XPNPEP2: variants seen among roughly 807,000 people sequenced by gnomAD.
The protein encoded by XPNPEP2 is xaa-Pro aminopeptidase 2.
Under a neutral mutation model 59.8 loss-of-function variants are expected in XPNPEP2, and 64 were observed. That is an observed-to-expected ratio of 1.07 (90% CI 0.87 to 1.32). XPNPEP2 has a LOEUF of 1.32. Ranked by LOEUF, XPNPEP2 falls within the 40% of genes most tolerant of loss-of-function variation. The probability of loss-of-function intolerance (pLI) is 0.00; values close to 1 mark genes in which losing one functional copy is unlikely to be tolerated. For synonymous variants in XPNPEP2, 235 were observed against 210.0 expected, an observed-to-expected ratio of 1.12 and a Z score of -1.03; for missense variants, 575 against 546.8, an observed-to-expected ratio of 1.05 and a Z score of -0.51.
At chrX:129,753,796 A>G (rs536483010) in intron 11 of XPNPEP2, among the ~76,000 whole-genome samples, 1 of 111,104 alleles carries the variant, frequency 9.0e-6, no homozygotes, top group Admixed American at 9.5e-5. Flanking sequence ...GCTCCACCCA[A>G]TTCCTAACTG....
chrX:129,749,413 A>G (rs1197149333), intron 7 of XPNPEP2, among the ~76,000 whole-genome samples: 1 of 113,020 alleles, frequency 8.8e-6, no homozygotes, highest in Non-Finnish European at 1.9e-5. Flanking sequence ...TATGTGTAAA[A>G]TACACATAAC....
In XPNPEP2 at chrX:129,752,492, C is replaced by A. The variant is rs532263590; in HGVS notation, c.1017+147C>A. On this transcript the variant is annotated intron_variant, in intron 10 of 20. Transcript: ENST00000371106. ...GCAGTGAGTTCCCTTCTTGGCCTAA[C>A]TGGGAAGAGCCAGAAGAGGAAACAG... 2.5e-4 allele frequency: 151 copies of A among 598,148 alleles called. No homozygotes were observed. The African/African-American group carries it at 3.0e-3, about 12-fold the overall frequency. 49.3% of individuals were successfully genotyped at this position (598,148 alleles called of 1,213,427 possible).
chrX:129,745,105 G>C (rs1369559995), intron 3 of XPNPEP2, 98 bp from the exon 4 acceptor site: 5 of 1,033,648 alleles, frequency 4.8e-6, no homozygotes, highest in Non-Finnish European at 6.7e-6. Context: ...CAAGGGGTTG[G>C]AGCCGACAGA....
At chrX:129,767,484 G>A (rs1159100323) in intron 19 of XPNPEP2, 119 bp from the exon 20 acceptor site, 7 of 709,367 alleles carry the variant, frequency 9.9e-6, no homozygotes, top group Non-Finnish European at 1.5e-5. Flanking sequence ...AGGGTGTCCA[G>A]GGTTGATGAG....
intron 16 of XPNPEP2, 113 bp downstream of exon 16, chrX:129,760,694 T>A: frequency 1.3e-6 from 1 of 786,119 alleles, no homozygotes; most frequent in Non-Finnish European, 1.9e-6. Context: ...CCATCCCTTA[T>A]GTAGATGAGA....
chrX:129,751,841 T>C lies in XPNPEP2; in HGVS notation c.821+15T>C. 2 of 1,195,997 alleles carry C rather than the reference T, an allele frequency of 1.7e-6. No individual in the cohort carries two copies. Among genetic ancestry groups the C allele is most frequent in the Non-Finnish European group, 2.3e-6 (2 of 881,344 alleles). ...TCTTCTATTAGGTATGGCTTTTCCT[T>C]AGCTTGCTGTTGTGGACTTTCTCCA... On this transcript the variant is annotated intron_variant, in intron 9 of 20. Coordinates refer to ENST00000371106, the MANE Select transcript of XPNPEP2 (RefSeq NM_003399.6).
At position 129,748,431 on chromosome X, in the gene XPNPEP2, C is replaced by T. The variant is rs142196583; in HGVS notation, c.637+678C>T. On this transcript the variant is annotated intron_variant, in intron 7 of 20. Transcript: ENST00000371106. ...CAGGACCAGCCTACTGATTATGAAT[C>T]AGTGTCTTGGCCACCAACCAGTCCT... Among the ~76,000 whole-genome samples, 447 of 112,399 alleles carry T rather than the reference C, an allele frequency of 4.0e-3. 4 individuals carry two copies. Among genetic ancestry groups the T allele is most frequent in the African/African-American group, 0.012 (379 of 30,953 alleles).
chrX:129,748,217 A>G (rs1361645269), intron 7 of XPNPEP2, among the ~76,000 whole-genome samples: 1 of 112,149 alleles, frequency 8.9e-6, no homozygotes, highest in Non-Finnish European at 1.9e-5. Flanking sequence ...CCAGGAGTGG[A>G]CAGAGGAAGT....
chrX:129,739,326 G>T (rs2124005875), intron 1 of XPNPEP2, 64 bp downstream of exon 1: 2 of 1,122,085 alleles, frequency 1.8e-6, no homozygotes, highest in East Asian at 6.0e-5. Context: ...CTCAGAAAGG[G>T]TTGGAGTGAG....
chrX:129,760,431 G>A (rs1039371948), intron 15 of XPNPEP2, 81 bp from the exon 16 acceptor site: 7 of 1,042,157 alleles, frequency 6.7e-6, no homozygotes, highest in South Asian at 6.2e-5. Context: ...GCCCTGCACC[G>A]TGTATCCATA....
rs775077952 is a variant in XPNPEP2, at chrX:129,761,193, C to A, written c.1520C>A (p.Ala507Asp). ...CCAGGGCGAATGGTGGAGGCCTTTG[C>A]CCGCAGAGCCTTGTGGGATGCTGGT... Reference protein sequence around the residue: ...ATSGRMVEAFARRALWDAGLN... With the variant: ...ATSGRMVEAFDRRALWDAGLN... Residue 507 changes from alanine (A) to aspartate (D), a missense_variant, in exon 17 of 21, where the codon GCC becomes GAC. Coordinates refer to ENST00000371106, the MANE Select transcript of XPNPEP2 (RefSeq NM_003399.6). 10 of 1,210,330 alleles carry A rather than the reference C, an allele frequency of 8.3e-6. No individual in the cohort carries two copies. Among genetic ancestry groups the A allele is most frequent in the Admixed American group, 6.5e-5 (3 of 45,857 alleles).
intron 15 of XPNPEP2, among the ~76,000 whole-genome samples, 156 bp downstream of exon 15, chrX:129,759,396 C>T (rs1381232595): frequency 8.9e-6 from 1 of 112,775 alleles, no homozygotes; most frequent in Non-Finnish European, 1.9e-5. Flanking sequence ...CCAGTGCTCC[C>T]TGCTGCTTCC....
At chrX:129,748,032 G>A (rs1926332506) in intron 7 of XPNPEP2, among the ~76,000 whole-genome samples, 1 of 112,253 alleles carries the variant, frequency 8.9e-6, no homozygotes, top group African/African-American at 3.2e-5. Context: ...GAGGAAAGAA[G>A]GGAAACAGAG....
chrX:129,761,344 T>A (rs1926654157), intron 17 of XPNPEP2, 68 bp downstream of exon 17: 1 of 953,433 alleles, frequency 1.0e-6, no homozygotes, highest in Non-Finnish European at 1.5e-6. Flanking sequence ...GGTAGAGAAT[T>A]TCACAGGTAT....
At chrX:129,758,381 TGAA>T (rs985382308) in intron 14 of XPNPEP2, among the ~76,000 whole-genome samples, 4 of 110,992 alleles carry the variant, frequency 3.6e-5, no homozygotes, top group African/African-American at 6.6e-5. Context: ...TCTTTCCTTC[TGAA>T]GAAGAAGGTC....
intron 19 of XPNPEP2, among the ~76,000 whole-genome samples, chrX:129,763,302 G>C (rs1287484115): frequency 2.7e-5 from 3 of 112,328 alleles, no homozygotes; most frequent in Non-Finnish European, 3.8e-5. Context: ...GGATACTTTT[G>C]TAACTTCACA....
intron 2 of XPNPEP2, 78 bp from the exon 3 acceptor site, chrX:129,743,883 G>A: frequency 3.2e-6 from 3 of 952,028 alleles, no homozygotes; most frequent in South Asian, 2.1e-5. Context: ...CTGGAGGCCA[G>A]GGGCCCAGAT....
At chrX:129,765,204 T>G (rs1926727151) in intron 19 of XPNPEP2, among the ~76,000 whole-genome samples, 1 of 111,679 alleles carries the variant, frequency 9.0e-6, no homozygotes, top group Non-Finnish European at 1.9e-5. Flanking sequence ...CGCAGGGAGA[T>G]CTACCTCATT....
Position 129,743,970 on chromosome X carries a change from G to A in XPNPEP2, c.133G>A (p.Val45Ile). The A allele has an allele frequency of 2.5e-6, 3 of 1,210,604 alleles. No homozygotes were observed. Among genetic ancestry groups the A allele is most frequent in the Non-Finnish European group, 3.4e-6 (3 of 894,501 alleles). The change falls in exon 3 of 21, where the codon GTT becomes ATT. Residue 45 changes from valine (V) to isoleucine (I), a missense_variant. Transcript: ENST00000371106. ...NCSTNPPYLP[V>I]TVVNTTMSLT... ...TCTTGTCATCTGTCAGTACCTTCCAGTTACTGTGGTCAATACCACAATGTC... is the reference window on the plus strand; with the variant it reads ...TCTTGTCATCTGTCAGTACCTTCCAATTACTGTGGTCAATACCACAATGTC...
Sources: gnomAD v4.1 joint callset for allele counts (sites outside exome capture counted in the v4.1 genomes callset) on GRCh38, gnomAD v4.1.1 for gene constraint, MANE v1.5 for transcripts, NCBI Gene and HGNC (gene_info 2026-07-23, HGNC 2026-07-21) for gene names.